Variants in PARD3 observed in about 807,000 individuals in gnomAD.
PARD3 encodes partitioning defective 3 homolog.
PARD3 carries 75 observed loss-of-function variants against 155.4 expected under a neutral mutation model. That is an observed-to-expected ratio of 0.48 (90% confidence interval 0.40 to 0.58). The LOEUF (loss-of-function observed/expected upper bound fraction) is 0.58, where lower values mean the gene tolerates loss of function less well. PARD3 is among the 20% of genes least tolerant of loss of function. PARD3 has a pLI of 0.00. For missense variants in PARD3, 1,642 were observed against 1,721.7 expected, an observed-to-expected ratio of 0.95 and a Z score of 0.82; for synonymous variants, 576 against 610.5, an observed-to-expected ratio of 0.94 and a Z score of 0.83.
At chr10:34,507,924 G>T (rs1025706113) in intron 3 of PARD3, among the ~76,000 whole-genome samples, 1 of 152,122 alleles carries the variant, frequency 6.6e-6, no homozygotes, top group Non-Finnish European at 1.5e-5. Context: ...AATACAATAG[G>T]AATATTATTT....
intron 5 of PARD3, among the ~76,000 whole-genome samples, chr10:34,447,396 G>A (rs1390100983): frequency 6.9e-6 from 1 of 144,804 alleles, no homozygotes; most frequent in Non-Finnish European, 1.5e-5. Flanking sequence ...CAGCAGAACT[G>A]CTTGAACCCA....
intron 1 of PARD3, among the ~76,000 whole-genome samples, chr10:34,725,987 G>A (rs1385530471): frequency 6.6e-6 from 1 of 152,140 alleles, no homozygotes; most frequent in Non-Finnish European, 1.5e-5. Flanking sequence ...TCTTTAGAAT[G>A]CCATTTGGTT....
chr10:34,121,041 G>A (rs998155601), intron 23 of PARD3, among the ~76,000 whole-genome samples: 3 of 150,820 alleles, frequency 2.0e-5, no homozygotes, highest in African/African-American at 7.3e-5. Flanking sequence ...CTGGGTGATG[G>A]TGCAAGACCC....
chr10:34,269,934 C>A (rs778886238), intron 21 of PARD3, 35 bp from the exon 22 acceptor site: 1 of 1,599,898 alleles, frequency 6.3e-7, no homozygotes, highest in African/African-American at 1.3e-5. Context: ...ATAAGAGAAA[C>A]CTTTCCTTTT....
intron 22 of PARD3, among the ~76,000 whole-genome samples, chr10:34,187,388 C>G (rs371293957): frequency 3.1e-4 from 47 of 152,244 alleles, no homozygotes; most frequent in Admixed American, 2.0e-3. Flanking sequence ...TTCCTGTACC[C>G]ACCACAAGTA....
At position 34,269,648 on chromosome 10, in the gene PARD3, GGC is replaced by G; in HGVS notation, c.3419+7_3419+8del. 1 of 1,612,592 alleles carries G rather than the reference GGC, an allele frequency of 6.2e-7. No individual in the cohort carries two copies. The highest frequency in any genetic ancestry group is 8.5e-7 in the Non-Finnish European group (1 of 1,178,838). ...TGGAAGCAATACCACGATTGCCCCT[GGC>G]GCCTACCTGTCTACAGGTGAGGGTT... is the stretch of plus-strand genomic sequence containing the variant. On this transcript the variant is annotated splice_region_variant and intron_variant, in intron 22 of 24. Transcript: ENST00000374788.
chr10:34,173,896 C>T (rs1008645652), intron 22 of PARD3, among the ~76,000 whole-genome samples: 1 of 152,204 alleles, frequency 6.6e-6, no homozygotes, highest in African/African-American at 2.4e-5. Flanking sequence ...GGAATTCTAG[C>T]TATCATCTCC....
At chr10:34,528,943 G>T (rs2133776843) in intron 2 of PARD3, among the ~76,000 whole-genome samples, 1 of 152,278 alleles carries the variant, frequency 6.6e-6, no homozygotes, top group Non-Finnish European at 1.5e-5. Flanking sequence ...AAAGGACTTG[G>T]TATGTGGTGG....
At chr10:34,398,114 G>A (rs1843518790) in intron 7 of PARD3, among the ~76,000 whole-genome samples, 1 of 152,152 alleles carries the variant, frequency 6.6e-6, no homozygotes, top group African/African-American at 2.4e-5. Context: ...CAAGGTGAAT[G>A]TTATACCTTG....
intron 2 of PARD3, among the ~76,000 whole-genome samples, chr10:34,544,522 TATAATAC>T (rs1478029712): frequency 6.6e-6 from 1 of 152,202 alleles, no homozygotes; most frequent in Admixed American, 6.5e-5. Flanking sequence ...CACCTGCCTT[TATAATAC>T]ATTAACCCAG....
intron 22 of PARD3, among the ~76,000 whole-genome samples, chr10:34,269,261 A>G (rs949187826): frequency 3.0e-4 from 46 of 152,222 alleles, no homozygotes; most frequent in Admixed American, 2.9e-3. Context: ...CATCTAAATC[A>G]TAAGTGGAAC....
At chr10:34,358,921 C>T (rs973017915) in intron 14 of PARD3, among the ~76,000 whole-genome samples, 11 of 152,130 alleles carry the variant, frequency 7.2e-5, no homozygotes, top group Admixed American at 6.5e-5. Flanking sequence ...GTGTTTCCTG[C>T]TGAGTTGGCA....
At chr10:34,744,444 G>T (rs1835053396) in intron 1 of PARD3, among the ~76,000 whole-genome samples, 1 of 152,170 alleles carries the variant, frequency 6.6e-6, no homozygotes, top group South Asian at 2.1e-4. Context: ...GTCCCCAAGG[G>T]GAGAGACTGC....
chr10:34,120,959 G>C (rs1408722901), intron 23 of PARD3, among the ~76,000 whole-genome samples: 6 of 151,970 alleles, frequency 3.9e-5, no homozygotes, highest in African/African-American at 1.5e-4. Context: ...TTGGGAAGCT[G>C]AGACAGGAGG....
Position 34,600,976 on chromosome 10 carries a change from T to A in PARD3, c.223-83817A>T, listed in dbSNP as rs2089718520. On this transcript the variant is annotated intron_variant, in intron 2 of 24. Transcript: ENST00000374788. ...CCATTTTTTTAATTTTTTTTTTTTT[T>A]TTTTTTTTTTTTTTGTAGAAATGGG... is the stretch of plus-strand genomic sequence containing the variant. Among the ~76,000 whole-genome samples the A allele has an allele frequency of 3.5e-5, 5 of 143,022 alleles. 1 individual carries two copies. The highest frequency in any genetic ancestry group is 1.3e-4 in the African/African-American group (5 of 38,790). The allele number at this position is 143,022 out of a possible 152,430, so 93.8% of individuals were successfully genotyped here.
intron 22 of PARD3, among the ~76,000 whole-genome samples, chr10:34,179,128 G>T (rs1950157074): frequency 6.6e-6 from 1 of 152,080 alleles, no homozygotes; most frequent in Admixed American, 6.5e-5. Context: ...CACAGAAATA[G>T]CATATAGGGA....
Position 34,680,452 on chromosome 10 carries a change from C to A in PARD3, c.222+15866G>T, listed in dbSNP as rs957951529. Among the ~76,000 whole-genome samples, 94 of 151,582 alleles carry A rather than the reference C, an allele frequency of 6.2e-4. 1 individual carries two copies. Among genetic ancestry groups the A allele is most frequent in the East Asian group, 3.9e-4 (2 of 5,086 alleles). ...GTGGGAGCCTGTAATCCTAGCTACTCTGGAGGATGAGGCAGGAGATCACTT... is the reference window on the plus strand; with the variant it reads ...GTGGGAGCCTGTAATCCTAGCTACTATGGAGGATGAGGCAGGAGATCACTT... On this transcript the variant is annotated intron_variant, in intron 2 of 24. Coordinates refer to ENST00000374788, the MANE Select transcript of PARD3 (RefSeq NM_001184785.2).
intron 4 of PARD3, among the ~76,000 whole-genome samples, chr10:34,458,202 T>G (rs997741326): frequency 1.3e-5 from 2 of 152,118 alleles, no homozygotes; most frequent in African/African-American, 2.4e-5. Context: ...TTGTTTTAAT[T>G]TTTTATTTAT....
At chr10:34,206,534 G>A (rs549491618) in intron 22 of PARD3, among the ~76,000 whole-genome samples, 13 of 152,250 alleles carry the variant, frequency 8.5e-5, no homozygotes, top group African/African-American at 1.9e-4. Flanking sequence ...AGAGCCAGTC[G>A]GTGATAGAAG....
Sources: allele counts gnomAD v4.1 joint callset (sites outside exome capture counted in the v4.1 genomes callset), GRCh38; gene constraint gnomAD v4.1.1; transcripts MANE v1.5; gene names NCBI Gene and HGNC (gene_info 2026-07-23, HGNC 2026-07-21).